The following LRMDA variants were observed in gnomAD, a reference collection of about 807,000 sequenced individuals.
LRMDA encodes leucine rich melanocyte differentiation associated.
LRMDA carries 18 observed loss-of-function variants against 29.8 expected under a neutral mutation model. That is an observed-to-expected ratio of 0.60 (90% CI 0.42 to 0.90). LRMDA has a LOEUF of 0.90. LRMDA is among the 40% of genes least tolerant of loss of function. The pLI is 0.00. For missense variants in LRMDA, 273 were observed against 273.9 expected, an observed-to-expected ratio of 1.00 and a Z score of 0.02; for synonymous variants, 125 against 109.4, an observed-to-expected ratio of 1.14 and a Z score of -0.89.
In LRMDA at chr10:76,212,557, G is replaced by A. The variant is rs557174943; in HGVS notation, c.517-111844G>A. 4.6e-5 allele frequency among the ~76,000 whole-genome samples: 7 copies of A among 152,252 alleles called. No individual in the cohort carries two copies. The East Asian group carries it at 1.3e-3, about 29-fold the overall frequency. On this transcript the variant is annotated intron_variant, in intron 5 of 6. Coordinates refer to ENST00000611255, the MANE Select transcript of LRMDA (RefSeq NM_001305581.2). ...TACCAATCAGCCCTCTTGCAAACAA[G>A]AAAGAGATAACCGGATGTCCACACT...
At position 75,746,339 on chromosome 10, in the gene LRMDA, G is replaced by T. The variant is rs578068533; in HGVS notation, c.132-289669G>T. Among the ~76,000 whole-genome samples the T allele has an allele frequency of 1.8e-4, 28 of 152,254 alleles. No homozygotes were observed. The South Asian group carries it at 4.4e-3, about 24-fold the overall frequency. Reference sequence around the variant, plus strand: ...CCCTGCAAACTAGTTTGGTGGTCTTGGTTCACTGCACTTAAGGGGTAAATC... The same window carrying T: ...CCCTGCAAACTAGTTTGGTGGTCTTTGTTCACTGCACTTAAGGGGTAAATC... On this transcript the variant is annotated intron_variant, in intron 2 of 6. Transcript: ENST00000611255.
intron 2 of LRMDA, among the ~76,000 whole-genome samples, chr10:75,863,351 C>T (rs748514677): frequency 1.1e-4 from 16 of 152,220 alleles, no homozygotes; most frequent in Non-Finnish European, 2.2e-4. Flanking sequence ...AAAATATATA[C>T]TGTATCTATA....
chr10:76,239,334 A>G lies in LRMDA; in HGVS notation c.517-85067A>G, dbSNP rs138565429. On this transcript the variant is annotated intron_variant, in intron 5 of 6. Transcript: ENST00000611255. ...CAATAAGGAACATTTACCCTTAAAC[A>G]TGGTCACCATGTCATTATCACAACT... 3.2e-3 allele frequency among the ~76,000 whole-genome samples: 482 copies of G among 152,268 alleles called. 3 individuals carry two copies. Among genetic ancestry groups the G allele is most frequent in the African/African-American group, 0.011 (451 of 41,536 alleles).
At position 75,854,063 on chromosome 10, in the gene LRMDA, C is replaced by T. The variant is rs1034807453; in HGVS notation, c.132-181945C>T. Among the ~76,000 whole-genome samples the T allele has an allele frequency of 5.9e-5, 9 of 152,002 alleles. No individual in the cohort carries two copies. In the East Asian group the frequency reaches 1.2e-3, roughly 20 times the overall value. On this transcript the variant is annotated intron_variant, in intron 2 of 6. Transcript: ENST00000611255. ...TGTTGGTCCTCATTCATCTAGCTTG[C>T]GTTTTAGAGTTGTGGTTATGTAATG...
intron 2 of LRMDA, among the ~76,000 whole-genome samples, chr10:75,866,452 A>G (rs534240345): frequency 6.6e-6 from 1 of 152,326 alleles, no homozygotes; most frequent in African/African-American, 2.4e-5. Flanking sequence ...CTTGCAAACA[A>G]CAAGATGTAA....
chr10:75,624,044 T>C (rs1045745437), intron 2 of LRMDA, among the ~76,000 whole-genome samples: 1 of 152,188 alleles, frequency 6.6e-6, no homozygotes, highest in East Asian at 1.9e-4. Flanking sequence ...AATAACTTTA[T>C]AGAAGAAACA....
chr10:75,866,065 G>T (rs1025628548), intron 2 of LRMDA, among the ~76,000 whole-genome samples: 2 of 152,182 alleles, frequency 1.3e-5, no homozygotes, highest in Admixed American at 6.5e-5. Context: ...GATTGACAGA[G>T]ATTTTATTTC....
At chr10:75,608,678 G>T (rs1336234691) in intron 2 of LRMDA, among the ~76,000 whole-genome samples, 1 of 152,112 alleles carries the variant, frequency 6.6e-6, no homozygotes, top group Non-Finnish European at 1.5e-5. Flanking sequence ...TTTTGCATCT[G>T]CTATACACAG....
intron 5 of LRMDA, among the ~76,000 whole-genome samples, chr10:76,186,535 G>A (rs948812323): frequency 6.6e-6 from 1 of 152,176 alleles, no homozygotes; most frequent in South Asian, 2.1e-4. Flanking sequence ...GTGGCAATAG[G>A]TTTCCTCTGT....
chr10:76,363,152 A>G (rs1389766989), intron 6 of LRMDA, among the ~76,000 whole-genome samples: 3 of 39,004 alleles, frequency 7.7e-5, no homozygotes, highest in Non-Finnish European at 1.6e-4. Flanking sequence ...AAAGAAAGAA[A>G]GAAAGAAAGA....
intron 6 of LRMDA, among the ~76,000 whole-genome samples, chr10:76,351,770 C>A (rs192021394): frequency 1.4e-3 from 216 of 151,290 alleles, no homozygotes; most frequent in African/African-American, 5.0e-3. Flanking sequence ...CACATAAGGA[C>A]AACTAGGGCT....
chr10:76,186,025 C>T (rs142163782), intron 5 of LRMDA, among the ~76,000 whole-genome samples: 1 of 152,088 alleles, frequency 6.6e-6, no homozygotes, highest in African/African-American at 2.4e-5. Flanking sequence ...CCAGATAATG[C>T]AACATTTGAT....
At chr10:76,077,009 G>A (rs1159902821) in intron 5 of LRMDA, among the ~76,000 whole-genome samples, 1 of 152,132 alleles carries the variant, frequency 6.6e-6, no homozygotes, top group East Asian at 1.9e-4. Context: ...CAGGGACATG[G>A]CCTCGAAACA....
rs1843107251 is a variant in LRMDA, at chr10:76,520,443, CT to C, written c.602-36761del. On this transcript the variant is annotated intron_variant, in intron 6 of 6. Transcript: ENST00000611255. ...CTATTTCAAGATGACGTCAACTATT[CT>C]TTTTAAATGTATTAACTAAGAGGAA... is the stretch of plus-strand genomic sequence containing the variant. Among the ~76,000 whole-genome samples, 3 of 152,078 alleles carry C rather than the reference CT, an allele frequency of 2.0e-5. No individual in the cohort carries two copies. The South Asian group carries it at 6.2e-4, about 32-fold the overall frequency.
At chr10:76,106,395 C>T (rs949701652) in intron 5 of LRMDA, among the ~76,000 whole-genome samples, 11 of 152,168 alleles carry the variant, frequency 7.2e-5, no homozygotes, top group African/African-American at 2.4e-4. Flanking sequence ...CTATCAATAG[C>T]GTATGGAGAA....
In LRMDA at chr10:76,006,953, G is replaced by A. The variant is rs956513937; in HGVS notation, c.132-29055G>A. 6.8e-5 allele frequency among the ~76,000 whole-genome samples: 10 copies of A among 146,530 alleles called. No homozygotes were observed. The South Asian group carries it at 1.1e-3, about 16-fold the overall frequency. On this transcript the variant is annotated intron_variant, in intron 2 of 6. Transcript: ENST00000611255. ...CAAAGCACTTCTGCAATGCTCCCTG[G>A]TCCTGCTAAAGTTTGCAGGATGGAG...
chr10:76,024,904 C>T (rs963873812), intron 2 of LRMDA, among the ~76,000 whole-genome samples: 7 of 152,308 alleles, frequency 4.6e-5, no homozygotes, highest in African/African-American at 1.7e-4. Flanking sequence ...ATATGTTTGC[C>T]CAATGGCTGT....
intron 6 of LRMDA, among the ~76,000 whole-genome samples, chr10:76,494,425 A>G (rs1353934744): frequency 1.3e-5 from 2 of 151,340 alleles, no homozygotes; most frequent in African/African-American, 2.4e-5. Context: ...ATTGTTTACA[A>G]TGTCCCCTTA....
At chr10:76,340,536 A>AAAAAAG (rs1016856830) in intron 6 of LRMDA, among the ~76,000 whole-genome samples, 4 of 149,908 alleles carry the variant, frequency 2.7e-5, no homozygotes, top group South Asian at 2.1e-4. Context: ...AAAAAAAAAA[A>AAAAAAG]AGAGAGAGAG....
Sources: allele counts gnomAD v4.1 joint callset (sites outside exome capture counted in the v4.1 genomes callset), GRCh38; gene constraint gnomAD v4.1.1; transcripts MANE v1.5; gene names NCBI Gene and HGNC (gene_info 2026-07-23, HGNC 2026-07-21).